Variants in HTR1E observed in about 807,000 individuals in gnomAD.
HTR1E encodes 5-HT-1E.
HTR1E carries 3 observed loss-of-function variants against 3.4 expected under a neutral mutation model. The observed-to-expected ratio is 0.89, with a 90% CI of 0.41 to 2.31. HTR1E has a LOEUF of 2.31. Ranked by LOEUF, HTR1E falls within the 30% of genes most tolerant of loss-of-function variation. The probability of loss-of-function intolerance (pLI) is 0.05; values close to 1 mark genes in which losing one functional copy is unlikely to be tolerated. For synonymous variants in HTR1E, 170 were observed against 182.8 expected, an observed-to-expected ratio of 0.93 and a Z score of 0.56; for missense variants, 392 against 467.0, an observed-to-expected ratio of 0.84 and a Z score of 1.48.
At chr6:86,947,006 C>T (rs1370908634) in intron 1 of HTR1E, among the ~76,000 whole-genome samples, 2 of 152,040 alleles carry the variant, frequency 1.3e-5, no homozygotes, top group Non-Finnish European at 2.9e-5. Flanking sequence ...ATCCCAGCTA[C>T]TCAGGAAGCT....
intron 1 of HTR1E, among the ~76,000 whole-genome samples, chr6:87,007,326 AAGGGTAGTTGC>A (rs1300826021): frequency 6.6e-6 from 1 of 152,166 alleles, no homozygotes; most frequent in Non-Finnish European, 1.5e-5. Flanking sequence ...AGAGGCTGGG[AAGGGTAGTTGC>A]AGGGGGTGGA....
chr6:87,000,038 A>G lies in HTR1E; in HGVS notation c.-185-15112A>G, dbSNP rs932373349. On this transcript the variant is annotated intron_variant, in intron 1 of 1. Transcript: ENST00000305344. ...GGGTGCTGCTCATGACACGGAAGAC[A>G]TAACAGCTAATGTGTGGCTATTTCA... is the stretch of plus-strand genomic sequence containing the variant. The G allele has an allele frequency of 3.0e-5, 5 of 167,442 alleles. No homozygotes were observed. In the South Asian group the frequency reaches 5.2e-4, roughly 18 times the overall value. The allele number at this position is 167,442 out of a possible 1,614,324, so 10.4% of individuals were successfully genotyped here. A position where few individuals can be genotyped will look rare whatever the true frequency, so the allele number is the denominator to read the frequency against.
At chr6:86,969,142 C>T (rs1331543692) in intron 1 of HTR1E, among the ~76,000 whole-genome samples, 1 of 152,006 alleles carries the variant, frequency 6.6e-6, no homozygotes, top group East Asian at 1.9e-4. Flanking sequence ...CAGACATTCC[C>T]CTAGGTTAAT....
At chr6:86,969,050 G>A (rs1767513267) in intron 1 of HTR1E, among the ~76,000 whole-genome samples, 3 of 152,110 alleles carry the variant, frequency 2.0e-5, no homozygotes, top group African/African-American at 7.2e-5. Context: ...TCTTCCATGA[G>A]TTTGAAATAC....
At chr6:86,952,024 C>T (rs890718078) in intron 1 of HTR1E, among the ~76,000 whole-genome samples, 1 of 152,140 alleles carries the variant, frequency 6.6e-6, no homozygotes, top group African/African-American at 2.4e-5. Flanking sequence ...TACAAGTACA[C>T]GATGCCTACT....
chr6:86,990,823 C>A (rs1354534500), intron 1 of HTR1E, among the ~76,000 whole-genome samples: 2 of 152,146 alleles, frequency 1.3e-5, no homozygotes, highest in Non-Finnish European at 2.9e-5. Flanking sequence ...TATTCTCCCT[C>A]TCCAAAAGGC....
At chr6:86,967,016 G>A (rs1265886071) in intron 1 of HTR1E, among the ~76,000 whole-genome samples, 7 of 152,048 alleles carry the variant, frequency 4.6e-5, no homozygotes, top group African/African-American at 7.2e-5. Flanking sequence ...AGGGGACCTC[G>A]GGATCTTTTA....
chr6:86,958,733 A>G (rs1767360166), intron 1 of HTR1E, among the ~76,000 whole-genome samples: 1 of 152,214 alleles, frequency 6.6e-6, no homozygotes, highest in South Asian at 2.1e-4. Context: ...CCCAAGTTTT[A>G]CATCTGCTTC....
At position 87,015,279 on chromosome 6, in the gene HTR1E, A is replaced by G; in HGVS notation, c.-56A>G. The G allele has an allele frequency of 1.4e-6, 2 of 1,450,384 alleles. No individual in the cohort carries two copies. Among genetic ancestry groups the G allele is most frequent in the Non-Finnish European group, 1.8e-6 (2 of 1,091,104 alleles). The allele number at this position is 1,450,384 out of a possible 1,614,324, so 89.8% of individuals were successfully genotyped here. A position where few individuals can be genotyped will look rare whatever the true frequency, so the allele number is the denominator to read the frequency against. ...AAACCTTCGAGGCTACATAGTTTTC[A>G]GCCAAAGGAAAATAACCAACAGCTT... On this transcript the variant is annotated 5_prime_UTR_variant, in exon 2 of 2. Transcript: ENST00000305344.
At chr6:87,014,063 G>C (rs1371106543) in intron 1 of HTR1E, among the ~76,000 whole-genome samples, 1 of 152,008 alleles carries the variant, frequency 6.6e-6, no homozygotes, top group Non-Finnish European at 1.5e-5. Context: ...TGAACAATGA[G>C]AACACCTGGA....
chr6:86,942,560 C>A (rs1231230737), intron 1 of HTR1E, among the ~76,000 whole-genome samples: 6 of 152,144 alleles, frequency 3.9e-5, no homozygotes, highest in Non-Finnish European at 8.8e-5. Context: ...AACTTTCTTA[C>A]CATTCTTTCC....
intron 1 of HTR1E, among the ~76,000 whole-genome samples, chr6:86,951,968 T>G (rs1767250878): frequency 6.6e-6 from 1 of 152,180 alleles, no homozygotes; most frequent in Non-Finnish European, 1.5e-5. Flanking sequence ...TCATAATAAC[T>G]GCTTCCTCAC....
At chr6:86,947,126 A>G (rs932889413) in intron 1 of HTR1E, among the ~76,000 whole-genome samples, 12 of 152,176 alleles carry the variant, frequency 7.9e-5, no homozygotes, top group African/African-American at 2.7e-4. Flanking sequence ...CAAAAAAAAA[A>G]TGCACAGAGA....
chr6:86,958,145 G>A (rs1447349784), intron 1 of HTR1E, among the ~76,000 whole-genome samples: 2 of 145,384 alleles, frequency 1.4e-5, no homozygotes, highest in Non-Finnish European at 3.0e-5. Context: ...TGCCAGCTCC[G>A]CCTCCTGGGT....
chr6:87,001,362 A>G (rs1258666284), intron 1 of HTR1E, among the ~76,000 whole-genome samples: 1 of 152,258 alleles, frequency 6.6e-6, no homozygotes, highest in Non-Finnish European at 1.5e-5. Context: ...CAAAAGACAT[A>G]GAGTAGGTGA....
chr6:86,971,494 C>T (rs1009014992), intron 1 of HTR1E, among the ~76,000 whole-genome samples: 6 of 151,376 alleles, frequency 4.0e-5, no homozygotes, highest in Admixed American at 1.3e-4. Flanking sequence ...AATGAGAGAA[C>T]GTAAAATTGT....
Position 86,981,766 on chromosome 6 carries a change from T to C in HTR1E, c.-185-33384T>C, listed in dbSNP as rs1026544559. On this transcript the variant is annotated intron_variant, in intron 1 of 1. Transcript: ENST00000305344. ...CTGTCCTTTGATATTATCTCCAATT[T>C]ACTGGTCTCAAAGAAATCAAGTAAA... 6.0e-4 allele frequency among the ~76,000 whole-genome samples: 91 copies of C among 152,380 alleles called. 1 individual carries two copies. Among genetic ancestry groups the C allele is most frequent in the Non-Finnish European group, 1.8e-4 (12 of 68,034 alleles).
At chr6:86,986,163 G>A (rs1767782737) in intron 1 of HTR1E, among the ~76,000 whole-genome samples, 1 of 152,102 alleles carries the variant, frequency 6.6e-6, no homozygotes, top group African/African-American at 2.4e-5. Flanking sequence ...ATTTATGATG[G>A]CATTCTTCAC....
intron 1 of HTR1E, among the ~76,000 whole-genome samples, chr6:86,990,077 G>T (rs1276548079): frequency 1.3e-5 from 2 of 152,154 alleles, no homozygotes; most frequent in African/African-American, 4.8e-5. Flanking sequence ...GTATTCCCTT[G>T]GGTCTGCCAC....
Sources: gnomAD v4.1 joint callset for allele counts (sites outside exome capture counted in the v4.1 genomes callset) on GRCh38, gnomAD v4.1.1 for gene constraint, MANE v1.5 for transcripts, NCBI Gene and HGNC (gene_info 2026-07-23, HGNC 2026-07-21) for gene names.